The following AK9 variants were observed in gnomAD, a reference collection of about 807,000 sequenced individuals.
The protein encoded by AK9 is adenylate kinase domain containing 1.
AK9 carries 191 observed loss-of-function variants against 239.6 expected under a neutral mutation model. That is an observed-to-expected ratio of 0.80 (90% CI 0.71 to 0.90). The LOEUF (loss-of-function observed/expected upper bound fraction) is 0.90, where lower values mean the gene tolerates loss of function less well. Ranked by LOEUF, AK9 falls within the 40% of genes least tolerant of loss-of-function variation. The probability of loss-of-function intolerance (pLI) is 0.00; values close to 1 mark genes in which losing one functional copy is unlikely to be tolerated. For missense variants in AK9, 1,995 were observed against 2,214.7 expected, an observed-to-expected ratio of 0.90 and a Z score of 1.99; for synonymous variants, 689 against 721.0, an observed-to-expected ratio of 0.96 and a Z score of 0.71.
At chr6:109,511,880 C>T (rs1291968815) in intron 32 of AK9, among the ~76,000 whole-genome samples, 3 of 152,200 alleles carry the variant, frequency 2.0e-5, no homozygotes, top group African/African-American at 7.2e-5. Context: ...AGGTAATCTA[C>T]ATGTTCACCT....
rs57376541 is a variant in AK9, at chr6:109,606,253, A to AATAGATAG, written c.1842+4104_1842+4111dup. Reference sequence around the variant, plus strand: ...TTTACTTTATATTTTATCACTTGTGAATAGATAGATAGATAGATAGATAGA... The same window carrying AATAGATAG: ...TTTACTTTATATTTTATCACTTGTGAATAGATAGATAGATAGATAGATAGATAGATAGA... On this transcript the variant is annotated intron_variant, in intron 17 of 40. Transcript: ENST00000424296. Among the ~76,000 whole-genome samples, 1,217 of 148,240 alleles carry AATAGATAG rather than the reference A, an allele frequency of 8.2e-3. 11 individuals are homozygous for AATAGATAG. The highest frequency in any genetic ancestry group is 0.017 in the Middle Eastern group (5 of 292).
chr6:109,558,272 G>T (rs1352931729), intron 24 of AK9, among the ~76,000 whole-genome samples: 1 of 151,798 alleles, frequency 6.6e-6, no homozygotes, highest in Non-Finnish European at 1.5e-5. Context: ...TTTCTTTATG[G>T]ATTCTGCTTT....
chr6:109,514,216 A>AAGCT lies in AK9; in HGVS notation c.4279+7_4279+8insAGCT. 1 of 1,547,418 alleles carries AAGCT rather than the reference A, an allele frequency of 6.5e-7. No individual in the cohort carries two copies. The highest frequency in any genetic ancestry group is 8.7e-7 in the Non-Finnish European group (1 of 1,145,004). On this transcript the variant is annotated splice_region_variant and intron_variant, in intron 32 of 40. Transcript: ENST00000424296. The stretch of plus-strand genomic sequence containing the variant: ...GCTTGAGGAAAACAAAGGCAAACAT[A>AAGCT]CGCTCACCTGTAGTTTTCCCAGATT...
At position 109,574,128 on chromosome 6, in the gene AK9, T is replaced by TTA. The variant is rs1787773144; in HGVS notation, c.2192-536_2192-535dup. On this transcript the variant is annotated intron_variant, in intron 20 of 40. Transcript: ENST00000424296. ...TTCTAATGGGTAGCACCAGGTTAGA[T>TTA]TATATATATAATGATTGATTTTCTT... 2.0e-5 allele frequency among the ~76,000 whole-genome samples: 3 copies of TTA among 152,308 alleles called. No individual in the cohort carries two copies. The South Asian group carries it at 6.2e-4, about 32-fold the overall frequency.
chr6:109,646,979 C>T (rs1164972443), intron 8 of AK9, among the ~76,000 whole-genome samples: 1 of 152,140 alleles, frequency 6.6e-6, no homozygotes, highest in African/African-American at 2.4e-5. Context: ...ATTTCATATC[C>T]AGCCAAACTA....
chr6:109,648,218 A>G (rs1381549654), intron 8 of AK9, among the ~76,000 whole-genome samples: 1 of 152,312 alleles, frequency 6.6e-6, no homozygotes, highest in East Asian at 1.9e-4. Context: ...AAGCTAGCAG[A>G]AGGTAAGACA....
intron 24 of AK9, among the ~76,000 whole-genome samples, chr6:109,551,770 CA>C (rs141456654): frequency 0.079 from 10,680 of 135,020 alleles, 570 homozygotes; most frequent in East Asian, 0.18. Flanking sequence ...TTATTTCTTC[CA>C]AAAAAAAAAA....
intron 5 of AK9, among the ~76,000 whole-genome samples, chr6:109,665,116 T>C (rs551863407): frequency 2.0e-5 from 3 of 152,312 alleles, no homozygotes; most frequent in Non-Finnish European, 4.4e-5. Flanking sequence ...GCATACACAA[T>C]GTCTCCTAAG....
At position 109,502,448 on chromosome 6, in the gene AK9, G is replaced by A. The variant is rs145115241; in HGVS notation, c.4850-3208C>T. 4.6e-5 allele frequency among the ~76,000 whole-genome samples: 7 copies of A among 152,256 alleles called. No individual in the cohort carries two copies. In the East Asian group the frequency reaches 9.7e-4, roughly 21 times the overall value. On this transcript the variant is annotated intron_variant, in intron 35 of 40. Coordinates refer to ENST00000424296, the MANE Select transcript of AK9 (RefSeq NM_001145128.3). ...ATGTGTCCACAAGCTCAGGAATGCT[G>A]AGGATTTCTGGCAACACTGGAAAAA...
intron 20 of AK9, among the ~76,000 whole-genome samples, chr6:109,576,489 T>C (rs1788105144): frequency 6.7e-6 from 1 of 149,508 alleles, no homozygotes; most frequent in African/African-American, 2.4e-5. Context: ...AGCTTGGTCA[T>C]TGTTGTTACA....
At chr6:109,673,229 GTGT>G (rs1330379915) in intron 3 of AK9, among the ~76,000 whole-genome samples, 3 of 152,056 alleles carry the variant, frequency 2.0e-5, no homozygotes, top group African/African-American at 4.8e-5. Context: ...GAGTGTGTGT[GTGT>G]TATGTATTAC....
intron 12 of AK9, among the ~76,000 whole-genome samples, chr6:109,628,261 T>C (rs1795763337): frequency 6.6e-6 from 1 of 152,232 alleles, no homozygotes. Context: ...CATCCTTTGA[T>C]AAGCTTTGTG....
At chr6:109,652,333 G>A (rs764177196) in intron 8 of AK9, among the ~76,000 whole-genome samples, 14 of 146,708 alleles carry the variant, frequency 9.5e-5, no homozygotes, top group Non-Finnish European at 2.1e-4. Flanking sequence ...ATGCAGAAAA[G>A]GCCTTCAAAA....
chr6:109,598,907 T>C (rs1214105195), intron 17 of AK9, among the ~76,000 whole-genome samples: 3 of 151,688 alleles, frequency 2.0e-5, no homozygotes, highest in South Asian at 2.1e-4. Flanking sequence ...CTTTGCCCAC[T>C]TGTTGATGGG....
chr6:109,614,067 TCCTCCTGAAG>T, intron 15 of AK9, 106 bp downstream of exon 15: 3 of 945,020 alleles, frequency 3.2e-6, no homozygotes, highest in Admixed American at 4.9e-5. Flanking sequence ...TTAGCTTTTT[TCCTCCTGAAG>T]TTTCCAATTT....
intron 17 of AK9, among the ~76,000 whole-genome samples, chr6:109,598,223 C>G (rs1379408468): frequency 2.1e-5 from 3 of 141,520 alleles, no homozygotes; most frequent in East Asian, 4.2e-4. Flanking sequence ...TCCCTCCCCC[C>G]TCCCCCCACC....
At chr6:109,680,143 T>C (rs1772397569) in intron 1 of AK9, among the ~76,000 whole-genome samples, 1 of 152,080 alleles carries the variant, frequency 6.6e-6, no homozygotes, top group Admixed American at 6.5e-5. Flanking sequence ...AGGTGGATAA[T>C]AACAAACTCC....
intron 20 of AK9, chr6:109,579,241 G>A (rs1297589518): frequency 1.8e-5 from 4 of 216,510 alleles, no homozygotes; most frequent in Non-Finnish European, 3.6e-5. Context: ...CAAGAGCAAT[G>A]ATTTAAAGAC....
intron 17 of AK9, among the ~76,000 whole-genome samples, chr6:109,590,300 A>C (rs7749386): frequency 6.6e-6 from 1 of 151,788 alleles, no homozygotes; most frequent in Non-Finnish European, 1.5e-5. Flanking sequence ...TCTTGGGAGG[A>C]TGTATATTTC....
Sources: allele counts gnomAD v4.1 joint callset (sites outside exome capture counted in the v4.1 genomes callset), GRCh38; gene constraint gnomAD v4.1.1; transcripts MANE v1.5; gene names NCBI Gene and HGNC (gene_info 2026-07-23, HGNC 2026-07-21).